The following ISM1 variants were observed in gnomAD, a reference collection of about 807,000 sequenced individuals.
The protein encoded by ISM1 is isthmin-1.
A neutral mutation model predicts 46.3 loss-of-function variants in ISM1; 25 were observed. The ratio of observed to expected loss-of-function variants is 0.54; its 90% CI spans 0.39 to 0.75. ISM1 has a LOEUF of 0.75. Ranked by LOEUF, ISM1 falls within the 30% of genes least tolerant of loss-of-function variation. ISM1 has a pLI of 0.00. For synonymous variants in ISM1, 255 were observed against 256.7 expected (o/e 0.99, Z 0.06); for missense variants, 536 against 625.4 (o/e 0.86, Z 1.52).
the ISM1 span, among the ~76,000 whole-genome samples, chr20:13,318,204 T>G: frequency 3.0e-3 from 455 of 151,292 alleles, 2 homozygotes; most frequent in African/African-American, 8.7e-3. Flanking sequence ...CCAAAGAAGA[T>G]ATACAGATGG....
At chr20:13,294,975 C>G (rs1174642170) in intron 5 of ISM1, among the ~76,000 whole-genome samples, 1 of 152,120 alleles carries the variant, frequency 6.6e-6, no homozygotes, top group Non-Finnish European at 1.5e-5. Context: ...TTTCGCCAGG[C>G]CTTTCTGAGT....
intron 1 of ISM1, among the ~76,000 whole-genome samples, chr20:13,256,395 CAAAAAA>C (rs559300861): frequency 1.4e-5 from 1 of 71,802 alleles, no homozygotes; most frequent in Non-Finnish European, 2.8e-5. Flanking sequence ...GACCCCGTCT[CAAAAAA>C]AAAAAAAAAA....
intron 1 of ISM1, among the ~76,000 whole-genome samples, chr20:13,268,669 C>T (rs1405723987): frequency 1.3e-5 from 2 of 152,200 alleles, no homozygotes; most frequent in Non-Finnish European, 2.9e-5. Flanking sequence ...TCTCCACCCT[C>T]CCCTTGGCTT....
Position 13,221,462 on chromosome 20 carries a change from C to T in ISM1, c.-315C>T, listed in dbSNP as rs1356354631. ...CCCGGGCTGTCCCGGGACCCAGTCT[C>T]CGTCTCCGCCGCCGCCGCCGCCAGG... On this transcript the variant is annotated 5_prime_UTR_variant, in exon 1 of 6. Transcript: ENST00000262487. 1.4e-5 allele frequency among the ~76,000 whole-genome samples: 2 copies of T among 145,916 alleles called. No homozygotes were observed. The highest frequency in any genetic ancestry group is 3.1e-5 in the Non-Finnish European group (2 of 65,562).
chr20:13,254,433 T>C (rs1052645889), intron 1 of ISM1, among the ~76,000 whole-genome samples: 7 of 151,908 alleles, frequency 4.6e-5, no homozygotes, highest in East Asian at 3.9e-4. Context: ...AGAATCAGAA[T>C]TGAATTCAAG....
chr20:13,300,952 T>G (rs2040452786), downstream of ISM1, among the ~76,000 whole-genome samples: 1 of 152,240 alleles, frequency 6.6e-6, no homozygotes, highest in Non-Finnish European at 1.5e-5. Flanking sequence ...CAGAAAATTC[T>G]GCAATTACAA....
the ISM1 span, among the ~76,000 whole-genome samples, chr20:13,318,863 G>T: frequency 6.6e-6 from 1 of 152,206 alleles, no homozygotes; most frequent in Non-Finnish European, 1.5e-5. Context: ...TGGTTGCCAG[G>T]GGTTGAGAAG....
the ISM1 span, among the ~76,000 whole-genome samples, chr20:13,319,445 G>T: frequency 0.019 from 2,827 of 152,246 alleles, 94 homozygotes; most frequent in African/African-American, 0.058. Flanking sequence ...AGAGGTCAAG[G>T]GTTGAGGAAT....
At chr20:13,245,580 C>T (rs2039783614) in intron 1 of ISM1, among the ~76,000 whole-genome samples, 1 of 152,182 alleles carries the variant, frequency 6.6e-6, no homozygotes, top group Non-Finnish European at 1.5e-5. Flanking sequence ...ATACTCCCCT[C>T]CACATGTACC....
chr20:13,229,006 C>G (rs1478516400), intron 1 of ISM1, among the ~76,000 whole-genome samples: 1 of 152,130 alleles, frequency 6.6e-6, no homozygotes, highest in African/African-American at 2.4e-5. Context: ...AATAGCTCTA[C>G]CACTTCCTGC....
intron 1 of ISM1, among the ~76,000 whole-genome samples, chr20:13,265,670 T>C (rs1022397648): frequency 2.6e-5 from 4 of 152,196 alleles, no homozygotes; most frequent in African/African-American, 9.7e-5. Context: ...CTTGCAATTG[T>C]GATAGTATTT....
chr20:13,293,759 A>T (rs2040378711), intron 5 of ISM1, among the ~76,000 whole-genome samples: 1 of 152,154 alleles, frequency 6.6e-6, no homozygotes, highest in Non-Finnish European at 1.5e-5. Context: ...GGATCACCTG[A>T]GGCCAGGAGT....
chr20:13,265,267 T>C (rs1358014509), intron 1 of ISM1, among the ~76,000 whole-genome samples: 3 of 152,152 alleles, frequency 2.0e-5, no homozygotes, highest in African/African-American at 7.2e-5. Context: ...TTACAAGCCT[T>C]TTTTATTTCA....
intron 1 of ISM1, among the ~76,000 whole-genome samples, chr20:13,246,119 AAG>A (rs907315221): frequency 2.6e-5 from 4 of 151,382 alleles, no homozygotes; most frequent in Non-Finnish European, 5.9e-5. Flanking sequence ...ATACACAAAA[AAG>A]AATTAGTCGG....
intron 3 of ISM1, 48 bp downstream of exon 3, chr20:13,279,946 G>A: frequency 1.9e-6 from 3 of 1,564,244 alleles, no homozygotes; most frequent in Non-Finnish European, 2.6e-6. Flanking sequence ...GAATAAACGA[G>A]GATGATGCCT....
intron 1 of ISM1, among the ~76,000 whole-genome samples, chr20:13,244,952 G>C (rs549293387): frequency 6.6e-6 from 1 of 152,194 alleles, no homozygotes; most frequent in African/African-American, 2.4e-5. Flanking sequence ...TGGAAACAAT[G>C]AAAGAAAGGA....
At chr20:13,273,818 T>C (rs1267184729) in intron 2 of ISM1, among the ~76,000 whole-genome samples, 1 of 152,220 alleles carries the variant, frequency 6.6e-6, no homozygotes, top group Non-Finnish European at 1.5e-5. Context: ...TTATTCTATT[T>C]CTGCTCTATA....
intron 5 of ISM1, among the ~76,000 whole-genome samples, chr20:13,297,414 C>T (rs1377584808): frequency 1.3e-5 from 2 of 152,306 alleles, no homozygotes; most frequent in Middle Eastern, 3.4e-3. Context: ...TCTCTAATTC[C>T]CCTGCTCCCC....
At chr20:13,317,657 C>T in the ISM1 span, among the ~76,000 whole-genome samples, 4 of 152,142 alleles carry the variant, frequency 2.6e-5, no homozygotes, top group South Asian at 8.3e-4. Context: ...AGTCAGTTGA[C>T]CTTTGACAAG....
Sources: allele counts gnomAD v4.1 joint callset (sites outside exome capture counted in the v4.1 genomes callset), GRCh38; gene constraint gnomAD v4.1.1; transcripts MANE v1.5; gene names NCBI Gene and HGNC (gene_info 2026-07-23, HGNC 2026-07-21).